ADAMTS17: variants seen among roughly 807,000 people sequenced by gnomAD.
ADAMTS17 encodes the protein ADAM metallopeptidase with thrombospondin type 1 motif 17.
ADAMTS17 carries 113 observed loss-of-function variants against 141.5 expected under a neutral mutation model. The observed-to-expected ratio is 0.80, with a 90% CI of 0.69 to 0.93. The LOEUF (loss-of-function observed/expected upper bound fraction) is 0.93, where lower values mean the gene tolerates loss of function less well. Ranked by LOEUF, ADAMTS17 falls within the 40% of genes least tolerant of loss-of-function variation. The probability of loss-of-function intolerance (pLI) is 0.00; values close to 1 mark genes in which losing one functional copy is unlikely to be tolerated. For missense variants in ADAMTS17, 1,659 were observed against 1,517.9 expected, an observed-to-expected ratio of 1.09 and a Z score of -1.54; for synonymous variants, 768 against 630.6, an observed-to-expected ratio of 1.22 and a Z score of -3.27.
chr15:100,228,822 C>T (rs55723376), intron 7 of ADAMTS17, among the ~76,000 whole-genome samples: 6,919 of 152,284 alleles, frequency 0.045, 237 homozygotes, highest in South Asian at 0.074. Flanking sequence ...TCACTAGCCC[C>T]CCAACCCCAG....
At chr15:100,046,765 T>A (rs1361453341) in intron 18 of ADAMTS17, among the ~76,000 whole-genome samples, 1 of 152,212 alleles carries the variant, frequency 6.6e-6, no homozygotes, top group East Asian at 1.9e-4. Context: ...ATCCTGTCAA[T>A]TTGTAAGCTG....
At chr15:99,987,809 G>A (rs528311462) in intron 20 of ADAMTS17, among the ~76,000 whole-genome samples, 3 of 152,294 alleles carry the variant, frequency 2.0e-5, no homozygotes, top group African/African-American at 4.8e-5. Flanking sequence ...AGAGGGTAGT[G>A]AGGGGCAGGT....
chr15:100,133,292 C>T lies in ADAMTS17; in HGVS notation c.1497G>A (p.Trp499Ter). The T allele has an allele frequency of 6.3e-7, 1 of 1,592,958 alleles. No homozygotes were observed. Among genetic ancestry groups the T allele is most frequent in the Non-Finnish European group, 8.6e-7 (1 of 1,167,616 alleles). Reference protein sequence around the residue: ...NMEHLMCAGLWCLVEGDTSCK... With the variant: ...NMEHLMCAGL ...AGGATGTGTCTCCTTCTACCAGGCA[C>T]CACAGTCCAGCACACATTAGATGCT... The change falls in exon 11 of 22, where the codon TGG becomes TGA. Residue 499 changes from tryptophan to a stop codon, truncating the protein, a stop_gained. Coordinates refer to ENST00000268070, the MANE Select transcript of ADAMTS17 (RefSeq NM_139057.4). LOFTEE classifies it high-confidence loss of function.
chr15:100,254,150 G>A lies in ADAMTS17; in HGVS notation c.1061C>T (p.Pro354Leu), dbSNP rs774990019. Residue 354 changes from proline to leucine, a missense_variant, in exon 7 of 22, where the codon CCG becomes CTG. By Grantham distance (98) the Pro-to-Leu change is moderately conservative. Coordinates refer to ENST00000268070, the MANE Select transcript of ADAMTS17 (RefSeq NM_139057.4). ...TCTAAACTTACCAACAGTGTCACAC[G>A]GTTCATCCTTGTGTACACAGAAATC... ...RTDFCVHKDE[P>L]CDTVGIAYLG... 6.2e-6 allele frequency: 10 copies of A among 1,613,190 alleles called. No homozygotes were observed. The highest frequency in any genetic ancestry group is 1.3e-5 in the African/African-American group (1 of 74,836).
In ADAMTS17 at chr15:100,239,322, C is replaced by G. The variant is rs375927656; in HGVS notation, c.1075+14814G>C. ...AGCAGATGGTAGCTGTTCTCAGTCT[C>G]ACTTTCATCACTCCTGCAAGCACGG... is the stretch of plus-strand genomic sequence containing the variant. On this transcript the variant is annotated intron_variant, in intron 7 of 21. Transcript: ENST00000268070. Among the ~76,000 whole-genome samples, 103 of 152,324 alleles carry G rather than the reference C, an allele frequency of 6.8e-4. No homozygotes were observed. The South Asian group carries it at 0.02, about 30-fold the overall frequency.
intron 8 of ADAMTS17, among the ~76,000 whole-genome samples, chr15:100,162,911 T>C (rs1000081295): frequency 2.1e-5 from 3 of 142,324 alleles, no homozygotes; most frequent in African/African-American, 7.5e-5. Context: ...TATATATGTA[T>C]ATGTGTATAT....
intron 18 of ADAMTS17, among the ~76,000 whole-genome samples, chr15:100,034,492 G>A (rs1156765185): frequency 6.6e-6 from 1 of 152,234 alleles, no homozygotes; most frequent in East Asian, 1.9e-4. Context: ...TACCAGGCTG[G>A]ATGCCTGGCC....
At chr15:100,207,380 A>G (rs746159805) in intron 7 of ADAMTS17, among the ~76,000 whole-genome samples, 2 of 152,118 alleles carry the variant, frequency 1.3e-5, no homozygotes, top group Non-Finnish European at 2.9e-5. Flanking sequence ...TAAGCCTCCC[A>G]GTCTGCAGTA....
At chr15:100,108,189 C>G (rs959969678) in intron 14 of ADAMTS17, among the ~76,000 whole-genome samples, 9 of 151,384 alleles carry the variant, frequency 5.9e-5, no homozygotes, top group Admixed American at 2.6e-4. Context: ...TTTTTCCCCC[C>G]GAGACGGAGT....
chr15:100,336,058 A>G (rs1196246690), intron 2 of ADAMTS17, among the ~76,000 whole-genome samples: 1 of 152,244 alleles, frequency 6.6e-6, no homozygotes, highest in African/African-American at 2.4e-5. Flanking sequence ...CAAGAATGCA[A>G]TCAGTCAAAG....
At chr15:100,025,541 A>G (rs2061496246) in intron 18 of ADAMTS17, among the ~76,000 whole-genome samples, 2 of 151,292 alleles carry the variant, frequency 1.3e-5, no homozygotes, top group African/African-American at 2.4e-5. Flanking sequence ...CCTCCCCAGT[A>G]GCTGGGATTA....
chr15:100,068,198 C>A (rs919380792), intron 15 of ADAMTS17, among the ~76,000 whole-genome samples: 1 of 152,092 alleles, frequency 6.6e-6, no homozygotes, highest in Non-Finnish European at 1.5e-5. Flanking sequence ...GGCAGTGAGG[C>A]TGGGGGAGGG....
intron 18 of ADAMTS17, among the ~76,000 whole-genome samples, chr15:100,041,206 C>T (rs2031222260): frequency 6.6e-6 from 1 of 152,190 alleles, no homozygotes; most frequent in South Asian, 2.1e-4. Flanking sequence ...AATACGCTTC[C>T]TTGCAAATGA....
At chr15:100,302,982 TC>T (rs1172743470) in intron 3 of ADAMTS17, among the ~76,000 whole-genome samples, 1 of 151,956 alleles carries the variant, frequency 6.6e-6, no homozygotes, top group Non-Finnish European at 1.5e-5. Flanking sequence ...AACATCGGAC[TC>T]CAAGTTCTTC....
rs757103791 is a variant in ADAMTS17 at position 100,053,962 on chromosome 15, C to A, written c.2230G>T (p.Val744Leu). ...ATCTTCTCCCACAGCCCCCTTCTCACATAGCGAACAGTTGTGCCTGCAATC... is the reference window on the plus strand; with the variant it reads ...ATCTTCTCCCACAGCCCCCTTCTCAAATAGCGAACAGTTGTGCCTGCAATC... ...FQIAGTTVRYVRRGLWEKISA... is the reference protein window; with the variant it reads ...FQIAGTTVRYLRRGLWEKISA... Residue 744 changes from valine to leucine, a missense_variant, in exon 16 of 22, where the codon GTG becomes TTG. Transcript: ENST00000268070. 1.9e-6 allele frequency: 3 copies of A among 1,614,104 alleles called. No individual in the cohort carries two copies. The African/African-American group carries it at 4.0e-5, about 22-fold the overall frequency.
intron 12 of ADAMTS17, among the ~76,000 whole-genome samples, chr15:100,126,735 T>A (rs1383963876): frequency 1.3e-5 from 2 of 152,204 alleles, no homozygotes; most frequent in African/African-American, 4.8e-5. Context: ...CTGGGGCAAG[T>A]GCACATCCAG....
intron 7 of ADAMTS17, among the ~76,000 whole-genome samples, chr15:100,240,752 A>T (rs896589426): frequency 6.6e-6 from 1 of 152,182 alleles, no homozygotes; most frequent in Non-Finnish European, 1.5e-5. Flanking sequence ...GCCAAGTTCT[A>T]ATCACCCCTC....
At chr15:100,213,362 G>A (rs955427491) in intron 7 of ADAMTS17, among the ~76,000 whole-genome samples, 1 of 152,158 alleles carries the variant, frequency 6.6e-6, no homozygotes, top group Middle Eastern at 3.4e-3. Context: ...TGTTGATGGT[G>A]TTCTCCATTT....
chr15:100,070,563 A>G (rs978734618), intron 15 of ADAMTS17, among the ~76,000 whole-genome samples: 1 of 150,292 alleles, frequency 6.7e-6, no homozygotes, highest in African/African-American at 2.5e-5. Flanking sequence ...CGGTGCAATC[A>G]AACTAGAACT....
Sources: gnomAD v4.1 joint callset for allele counts (sites outside exome capture counted in the v4.1 genomes callset) on GRCh38, gnomAD v4.1.1 for gene constraint, MANE v1.5 for transcripts, NCBI Gene and HGNC (gene_info 2026-07-23, HGNC 2026-07-21) for gene names.